SKIC3: variants seen among roughly 807,000 people sequenced by gnomAD.
SKIC3 encodes superkiller complex protein 3.
chr5:95,485,474 G>A, the SKIC3 span, among the ~76,000 whole-genome samples: 1 of 152,204 alleles, frequency 6.6e-6, no homozygotes, highest in South Asian at 2.1e-4. Flanking sequence ...TTGCATTCCT[G>A]GGATAAACCA....
At chr5:95,525,646 G>T in the SKIC3 span, 25 of 1,613,914 alleles carry the variant, frequency 1.5e-5, no homozygotes, top group East Asian at 5.6e-4. Flanking sequence ...AGAACCAAAA[G>T]TCCTGGGATA....
At chr5:95,508,134 A>C in the SKIC3 span, among the ~76,000 whole-genome samples, 1 of 152,192 alleles carries the variant, frequency 6.6e-6, no homozygotes, top group African/African-American at 2.4e-5. Flanking sequence ...TTGATTACAC[A>C]GGCTCCAGTA....
At chr5:95,502,115 C>G in the SKIC3 span, among the ~76,000 whole-genome samples, 1 of 152,148 alleles carries the variant, frequency 6.6e-6, no homozygotes, top group African/African-American at 2.4e-5. Context: ...TCCATCCCCC[C>G]ACCTTTGGAG....
At chr5:95,530,161 C>A in the SKIC3 span, 1 of 1,613,520 alleles carries the variant, frequency 6.2e-7, no homozygotes, top group Admixed American at 1.7e-5. Flanking sequence ...CCAATGAGGC[C>A]TGGACCACTT....
chr5:95,495,771 G>A, the SKIC3 span, among the ~76,000 whole-genome samples: 1 of 152,102 alleles, frequency 6.6e-6, no homozygotes, highest in Non-Finnish European at 1.5e-5. Context: ...CAGAATATTG[G>A]GTCCCATCTC....
the SKIC3 span, among the ~76,000 whole-genome samples, chr5:95,491,564 C>A: frequency 6.6e-6 from 1 of 152,206 alleles, no homozygotes; most frequent in South Asian, 2.1e-4. Context: ...ATCTATCCCT[C>A]ATTCATTTGA....
the SKIC3 span, chr5:95,497,600 C>T: frequency 1.3e-6 from 1 of 768,334 alleles, no homozygotes; most frequent in Admixed American, 2.5e-5. Flanking sequence ...AAAACAAGTT[C>T]ATATTAATTG....
At chr5:95,471,084 A>T in the SKIC3 span, among the ~76,000 whole-genome samples, 2 of 152,210 alleles carry the variant, frequency 1.3e-5, no homozygotes, top group East Asian at 3.8e-4. Context: ...CAATTTGTAT[A>T]ATCAAGTAAG....
the SKIC3 span, chr5:95,478,420 G>A: frequency 1.2e-6 from 2 of 1,613,754 alleles, no homozygotes; most frequent in Non-Finnish European, 1.7e-6. Flanking sequence ...CATTCCTTGG[G>A]ATTGATACAC....
chr5:95,469,925 G>T, the SKIC3 span: 1 of 1,612,062 alleles, frequency 6.2e-7, no homozygotes, highest in South Asian at 1.1e-5. Flanking sequence ...AAAAATATAA[G>T]ACAAATATTA....
the SKIC3 span, chr5:95,547,087 ATTCT>A: frequency 6.2e-7 from 1 of 1,613,294 alleles, no homozygotes; most frequent in African/African-American, 1.3e-5. Flanking sequence ...GCTTCTTTGT[ATTCT>A]TTGTTTCTGA....
chr5:95,522,404 T>C, the SKIC3 span: 9 of 1,436,188 alleles, frequency 6.3e-6, no homozygotes, highest in Admixed American at 1.2e-4. Flanking sequence ...AACATATATA[T>C]CTGTGGCTCC....
chr5:95,498,622 T>C, the SKIC3 span: 2 of 1,569,890 alleles, frequency 1.3e-6, no homozygotes, highest in East Asian at 4.6e-5. Flanking sequence ...TACCCATTAG[T>C]TAGTCTTTTT....
chr5:95,520,628 T>C, the SKIC3 span: 1 of 1,000,086 alleles, frequency 1.0e-6, no homozygotes, highest in South Asian at 1.5e-5. Context: ...AATTGCTATA[T>C]CTAGCAGAAT....
chr5:95,496,236 A>G, the SKIC3 span, among the ~76,000 whole-genome samples: 1 of 152,056 alleles, frequency 6.6e-6, no homozygotes, highest in African/African-American at 2.4e-5. Context: ...CAGGCTGGTC[A>G]TGAACTCCTG....
the SKIC3 span, chr5:95,546,866 T>C: frequency 1.2e-5 from 7 of 589,966 alleles, no homozygotes; most frequent in African/African-American, 9.3e-5. Context: ...AAGTTACCAA[T>C]ACAGAGAAAG....
chr5:95,519,422 C>A, the SKIC3 span, among the ~76,000 whole-genome samples: 1 of 151,894 alleles, frequency 6.6e-6, no homozygotes, highest in African/African-American at 2.4e-5. Context: ...TTTCCAATGT[C>A]TTCCTAAGAA....
At chr5:95,512,740 A>G in the SKIC3 span, 4 of 1,157,178 alleles carry the variant, frequency 3.5e-6, 1 homozygote, top group Non-Finnish European at 2.5e-6. Flanking sequence ...CTTTAAGTCA[A>G]TTGTTAAAAG....
the SKIC3 span, among the ~76,000 whole-genome samples, chr5:95,509,003 TTTTC>T: frequency 6.6e-6 from 1 of 152,166 alleles, no homozygotes; most frequent in Non-Finnish European, 1.5e-5. Context: ...TTCATCTTTC[TTTTC>T]TATCGATTTC....
Sources: allele counts gnomAD v4.1 joint callset (sites outside exome capture counted in the v4.1 genomes callset), GRCh38; gene constraint gnomAD v4.1.1; transcripts MANE v1.5; gene names NCBI Gene and HGNC (gene_info 2026-07-23, HGNC 2026-07-21).